Variants in SLC36A1 observed in about 807,000 individuals in gnomAD.
SLC36A1 encodes the protein solute carrier family 36 member 1, also known as proton-coupled amino acid transporter 1.
A neutral mutation model predicts 47.5 loss-of-function variants in SLC36A1; 30 were observed. The observed-to-expected ratio is 0.63, with a 90% confidence interval of 0.47 to 0.86. The LOEUF (loss-of-function observed/expected upper bound fraction) is 0.86, where lower values mean the gene tolerates loss of function less well. SLC36A1 is among the 40% of genes least tolerant of loss of function. SLC36A1 has a pLI of 0.00. For synonymous variants in SLC36A1, 255 were observed against 249.7 expected, an observed-to-expected ratio of 1.02 and a Z score of -0.20; for missense variants, 517 against 606.0, an observed-to-expected ratio of 0.85 and a Z score of 1.54.
chr5:151,388,268 G>A, the SLC36A1 span, among the ~76,000 whole-genome samples: 7 of 152,220 alleles, frequency 4.6e-5, no homozygotes, highest in Admixed American at 2.0e-4. Flanking sequence ...GTGGGAGGCC[G>A]AGGTGGGCGG....
intron 5 of SLC36A1, among the ~76,000 whole-genome samples, 171 bp downstream of exon 5, chr5:151,465,340 T>TAAAAA (rs1756191407): frequency 6.6e-6 from 1 of 152,170 alleles, no homozygotes; most frequent in East Asian, 1.9e-4. Context: ...TGGGGCTGGG[T>TAAAAA]AACCCCTTTT....
the SLC36A1 span, among the ~76,000 whole-genome samples, chr5:151,530,344 C>T: frequency 6.6e-6 from 1 of 151,888 alleles, no homozygotes; most frequent in Non-Finnish European, 1.5e-5. Context: ...TGATCAAGCA[C>T]TGTCAACTAA....
At chr5:151,375,921 C>T in the SLC36A1 span, among the ~76,000 whole-genome samples, 2 of 152,098 alleles carry the variant, frequency 1.3e-5, no homozygotes, top group Non-Finnish European at 2.9e-5. Context: ...TTTTTCTAGA[C>T]ATAGATCATA....
At chr5:151,387,062 C>T in the SLC36A1 span, 75,412 of 152,160 alleles carry the variant, frequency 0.5, 20,727 homozygotes, top group African/African-American at 0.75. Context: ...CTTTTACTCA[C>T]ATGTCTTACA....
chr5:151,473,727 C>T lies in SLC36A1; in HGVS notation c.778C>T (p.Leu260Phe). ...GGTGGCCCCTTGGAAGACCTACCCT[C>T]TCTTCTTTGGCACAGCGATTTTTTC... Reference protein sequence around the residue: ...PLVAPWKTYPLFFGTAIFSFE... With the variant: ...PLVAPWKTYPFFFGTAIFSFE... Residue 260 changes from leucine (L) to phenylalanine (F), a missense_variant, in exon 8 of 11, where the codon CTC becomes TTC. By Grantham distance (22) the Leu-to-Phe change is conservative (BLOSUM62 0). Transcript: ENST00000243389. 1 of 1,614,116 alleles carries T rather than the reference C, an allele frequency of 6.2e-7. No individual in the cohort carries two copies.
rs750847211 is a variant in SLC36A1, at chr5:151,467,271, C to T, written c.492C>T (p.Asp164=). 6 of 1,468,566 alleles carry T rather than the reference C, an allele frequency of 4.1e-6. No homozygotes were observed. In the African/African-American group the frequency reaches 7.6e-5, roughly 19 times the overall value. The allele number at this position is 1,468,566 out of a possible 1,614,324, so 91.0% of individuals were successfully genotyped here. A position where few individuals can be genotyped will look rare whatever the true frequency, so the allele number is the denominator to read the frequency against. ...FCCVYFVFLA[D]NFKQVIEAAN... ...GTGTCTATTTTGTGTTTCTGGCTGACAACTTTAAACAGGTAGGCACCTGGT... is the reference window on the plus strand; with the variant it reads ...GTGTCTATTTTGTGTTTCTGGCTGATAACTTTAAACAGGTAGGCACCTGGT... Residue 164 remains aspartate (D), a synonymous_variant, in exon 6 of 11, where the codon GAC becomes GAT. Transcript: ENST00000243389.
chr5:151,468,347 A>ATG (rs1756875844), intron 7 of SLC36A1, among the ~76,000 whole-genome samples: 1 of 140,478 alleles, frequency 7.1e-6, no homozygotes, highest in African/African-American at 2.6e-5. Context: ...TTTTATATAT[A>ATG]TTACATGTAT....
the SLC36A1 span, chr5:151,511,003 C>A: frequency 6.6e-6 from 1 of 152,290 alleles, no homozygotes; most frequent in Admixed American, 6.5e-5. Context: ...GGCCACTGAG[C>A]AGTTCTCAGC....
the SLC36A1 span, among the ~76,000 whole-genome samples, chr5:151,377,441 C>T: frequency 4.7e-4 from 70 of 149,796 alleles, no homozygotes; most frequent in East Asian, 6.0e-3. Context: ...CTCCGCCTCC[C>T]GGGTTCACGC....
At chr5:151,538,799 C>A in the SLC36A1 span, among the ~76,000 whole-genome samples, 1 of 152,096 alleles carries the variant, frequency 6.6e-6, no homozygotes, top group African/African-American at 2.4e-5. Context: ...GCCTCAGCCT[C>A]CTAGGTAGCT....
the SLC36A1 span, chr5:151,509,980 C>T: frequency 3.1e-6 from 5 of 1,603,472 alleles, no homozygotes; most frequent in Non-Finnish European, 3.4e-6. Flanking sequence ...AGCGCATTCC[C>T]TAACAAGGAG....
chr5:151,536,881 GTCCTCTCTCC>G, the SLC36A1 span, among the ~76,000 whole-genome samples: 18 of 152,310 alleles, frequency 1.2e-4, no homozygotes, highest in African/African-American at 4.3e-4. Context: ...CTCATTCTTT[GTCCTCTCTCC>G]TCCCTCTCTG....
intron 7 of SLC36A1, among the ~76,000 whole-genome samples, chr5:151,469,929 A>T (rs1561763453): frequency 6.6e-6 from 1 of 152,212 alleles, no homozygotes; most frequent in Non-Finnish European, 1.5e-5. Context: ...ACAGTGGCTC[A>T]TAAAAAGCAG....
chr5:151,505,449 C>A, the SLC36A1 span: 4 of 1,268,884 alleles, frequency 3.2e-6, no homozygotes, highest in African/African-American at 1.5e-5. Context: ...ACAGCCTGGG[C>A]TGAGGGCTTC....
chr5:151,494,237 A>G (rs1249198297), downstream of SLC36A1, among the ~76,000 whole-genome samples: 1 of 152,070 alleles, frequency 6.6e-6, no homozygotes, highest in Non-Finnish European at 1.5e-5. Flanking sequence ...CTGAGGAACT[A>G]TGTGTGTCTT....
chr5:151,383,571 A>T, the SLC36A1 span, among the ~76,000 whole-genome samples: 39,875 of 132,348 alleles, frequency 0.3, 7,297 homozygotes, highest in African/African-American at 0.51. Flanking sequence ...TTTAACTTAA[A>T]TTTTTTTTTT....
the SLC36A1 span, among the ~76,000 whole-genome samples, chr5:151,551,863 C>CAT: frequency 9.4e-3 from 1,431 of 152,080 alleles, 19 homozygotes; most frequent in African/African-American, 0.033. Flanking sequence ...CCAAATGTAA[C>CAT]AACATATTTT....
rs2127556144 is a variant in SLC36A1 at position 151,491,836 on chromosome 5, T to C, written c.*3582T>C. The C allele has an allele frequency of 6.6e-6, 1 of 152,426 alleles. No individual in the cohort carries two copies. The highest frequency in any genetic ancestry group is 6.5e-5 in the Admixed American group (1 of 15,306). The allele number at this position is 152,426 out of a possible 1,614,324, so 9.4% of individuals were successfully genotyped here. On this transcript the variant is annotated 3_prime_UTR_variant, in exon 11 of 11. Coordinates refer to ENST00000243389, the MANE Select transcript of SLC36A1 (RefSeq NM_078483.4). ...TTTTCCAAAGTACATTACAAATCTC[T>C]GAGGCCATTAGGGGAAAAGGAAGGG...
the SLC36A1 span, among the ~76,000 whole-genome samples, chr5:151,499,777 C>T: frequency 7.9e-5 from 12 of 152,206 alleles, 1 homozygote; most frequent in African/African-American, 2.7e-4. Flanking sequence ...TGAAGGAAGT[C>T]GTTTCCCAAT....
Sources: allele counts gnomAD v4.1 joint callset (sites outside exome capture counted in the v4.1 genomes callset), GRCh38; gene constraint gnomAD v4.1.1; transcripts MANE v1.5; gene names NCBI Gene and HGNC (gene_info 2026-07-23, HGNC 2026-07-21).